The following CCDC175 variants were observed in gnomAD, a reference collection of about 807,000 sequenced individuals.
The protein encoded by CCDC175 is coiled-coil domain-containing protein 175.
Under a neutral mutation model 114.6 loss-of-function variants are expected in CCDC175, and 100 were observed. The observed-to-expected ratio is 0.87, with a 90% CI of 0.74 to 1.03. The LOEUF (loss-of-function observed/expected upper bound fraction) is 1.03. Among genes scored for constraint, CCDC175 ranks in the 50% least tolerant of loss-of-function variants. CCDC175 has a pLI of 0.00. For synonymous variants in CCDC175, 306 were observed against 308.7 expected, an observed-to-expected ratio of 0.99 and a Z score of 0.09; for missense variants, 880 against 917.8, an observed-to-expected ratio of 0.96 and a Z score of 0.53.
At chr14:59,553,299 G>A (rs1251954279) in intron 7 of CCDC175, among the ~76,000 whole-genome samples, 1 of 152,118 alleles carries the variant, frequency 6.6e-6, no homozygotes, top group African/African-American at 2.4e-5. Context: ...AAGAGAGTGG[G>A]GACCAATATT....
At chr14:59,531,177 G>A (rs1380544346) in intron 14 of CCDC175, among the ~76,000 whole-genome samples, 1 of 151,826 alleles carries the variant, frequency 6.6e-6, no homozygotes, top group African/African-American at 2.4e-5. Flanking sequence ...GCACAGGGTT[G>A]AATGATTACA....
chr14:59,539,147 A>G (rs982518902), intron 11 of CCDC175, among the ~76,000 whole-genome samples: 13 of 152,360 alleles, frequency 8.5e-5, no homozygotes, highest in African/African-American at 2.6e-4. Flanking sequence ...GGGCAAGTGG[A>G]AAATGAGGCC....
Position 59,511,548 on chromosome 14 carries a change from T to TAAAAAAAAAAAAAAAAAAAAAAAAAAA in CCDC175, c.2142+211_2142+212insTTTTTTTTTTTTTTTTTTTTTTTTTTT, listed in dbSNP as rs34490884. Among the ~76,000 whole-genome samples, 6 of 94,648 alleles carry TAAAAAAAAAAAAAAAAAAAAAAAAAAA rather than the reference T, an allele frequency of 6.3e-5. 1 individual carries two copies. Among genetic ancestry groups the TAAAAAAAAAAAAAAAAAAAAAAAAAAA allele is most frequent in the Non-Finnish European group, 9.9e-5 (5 of 50,552 alleles). 62.1% of individuals were successfully genotyped at this position (94,648 alleles called of 152,430 possible). A position where few individuals can be genotyped will look rare whatever the true frequency, so the allele number is the denominator to read the frequency against. On this transcript the variant is annotated intron_variant, in intron 18 of 19. Transcript: ENST00000537690. The stretch of plus-strand genomic sequence containing the variant: ...ATTAAGATTTCATAGTGATATTTGG[T>TAAAAAAAAAAAAAAAAAAAAAAAAAAA]AAAAAAAAAAAAAAAAAAAGACACA...
intron 17 of CCDC175, among the ~76,000 whole-genome samples, 176 bp downstream of exon 17, chr14:59,521,398 G>A (rs1397642455): frequency 1.3e-5 from 2 of 152,142 alleles, no homozygotes; most frequent in African/African-American, 2.4e-5. Context: ...GGACTCTGAC[G>A]GATCCACCAC....
intron 19 of CCDC175, among the ~76,000 whole-genome samples, chr14:59,507,152 A>T (rs1485407894): frequency 6.6e-6 from 1 of 152,196 alleles, no homozygotes; most frequent in Non-Finnish European, 1.5e-5. Flanking sequence ...ATGTTCTGAC[A>T]AGCCTATTCC....
chr14:59,564,986 C>G (rs1438604261), intron 5 of CCDC175, 61 bp downstream of exon 5: 1 of 1,239,628 alleles, frequency 8.1e-7, no homozygotes, highest in East Asian at 2.5e-5. Flanking sequence ...AAATTATTTC[C>G]CATTTCCTGC....
intron 8 of CCDC175, 71 bp from the exon 9 acceptor site, chr14:59,545,370 G>T: frequency 7.0e-7 from 1 of 1,426,338 alleles, no homozygotes; most frequent in South Asian, 1.3e-5. Flanking sequence ...TGCATCAGGT[G>T]GCAACTCGGA....
intron 4 of CCDC175, 73 bp from the exon 5 acceptor site, chr14:59,565,348 A>T: frequency 8.6e-7 from 1 of 1,168,566 alleles, no homozygotes. Context: ...TGGTGAGAAG[A>T]GCCCTCAGCA....
chr14:59,531,878 T>G lies in CCDC175; in HGVS notation c.1656A>C (p.Lys552Asn). The change falls in exon 14 of 20, where the codon AAA (lysine) becomes AAC (asparagine). Residue 552 changes from lysine to asparagine, a missense_variant. Coordinates refer to ENST00000537690, the MANE Select transcript of CCDC175 (RefSeq NM_001164399.2). ...EIFVKETQIN[K>N]EKEEELVEYL... ...ACTCAACTAGTTCTTCTTCCTTTTC[T>G]TTGTTAATTTGTGTTTCCTTAACAA... The G allele has an allele frequency of 1.6e-6, 2 of 1,263,170 alleles. No homozygotes were observed. Among genetic ancestry groups the G allele is most frequent in the Non-Finnish European group, 2.2e-6 (2 of 906,904 alleles). 78.2% of individuals were successfully genotyped at this position (1,263,170 alleles called of 1,614,324 possible). A position where few individuals can be genotyped will look rare whatever the true frequency, so the allele number is the denominator to read the frequency against.
intron 17 of CCDC175, among the ~76,000 whole-genome samples, chr14:59,520,038 C>T (rs1247645276): frequency 2.6e-5 from 4 of 152,206 alleles, no homozygotes; most frequent in Non-Finnish European, 4.4e-5. Flanking sequence ...TTCAAGTTGC[C>T]CTGGCTGATG....
intron 4 of CCDC175, among the ~76,000 whole-genome samples, chr14:59,567,882 G>A (rs1896645909): frequency 1.3e-5 from 2 of 152,156 alleles, no homozygotes; most frequent in South Asian, 2.1e-4. Context: ...TACTTTGGTG[G>A]TGGGGGTTTG....
In CCDC175 at chr14:59,523,474, A is replaced by G. The variant is rs373218432; in HGVS notation, c.1996-1798T>C. 2.9e-4 allele frequency among the ~76,000 whole-genome samples: 44 copies of G among 152,328 alleles called. 3 individuals are homozygous for G. In the East Asian group the frequency reaches 6.6e-3, roughly 23 times the overall value. The stretch of plus-strand genomic sequence containing the variant: ...AGCTATTAAAACTTCTAAAAAAAAT[A>G]CAGCTTCAATTTACACATCTATAAA... On this transcript the variant is annotated intron_variant, in intron 16 of 19. Transcript: ENST00000537690.
intron 11 of CCDC175, among the ~76,000 whole-genome samples, chr14:59,539,571 ACT>A (rs138144554): frequency 0.45 from 68,433 of 150,596 alleles, 17,396 homozygotes; most frequent in East Asian, 0.81. Context: ...AAAGAGTGAA[ACT>A]CTGTCTCAAA....
chr14:59,558,490 A>G (rs1329673664), intron 7 of CCDC175, among the ~76,000 whole-genome samples: 1 of 152,178 alleles, frequency 6.6e-6, no homozygotes, highest in Non-Finnish European at 1.5e-5. Flanking sequence ...TATGAAGGCA[A>G]TAGGACGTGA....
intron 9 of CCDC175, among the ~76,000 whole-genome samples, chr14:59,544,455 G>T (rs1290525105): frequency 1.3e-5 from 2 of 152,136 alleles, no homozygotes; most frequent in Non-Finnish European, 2.9e-5. Flanking sequence ...CTATTGATAG[G>T]AAGCTGCCTG....
At chr14:59,538,929 T>A in intron 11 of CCDC175, 89 bp from the exon 12 acceptor site, 1 of 1,209,666 alleles carries the variant, frequency 8.3e-7, no homozygotes, top group Non-Finnish European at 1.1e-6. Context: ...CAAGTCATAC[T>A]ATGACTACAC....
chr14:59,530,093 G>C (rs1306682874), intron 14 of CCDC175, among the ~76,000 whole-genome samples: 1 of 152,146 alleles, frequency 6.6e-6, no homozygotes, highest in African/African-American at 2.4e-5. Context: ...GGACTAGGCT[G>C]GGTGTGGTGG....
chr14:59,519,594 T>C (rs1004200254), intron 17 of CCDC175, among the ~76,000 whole-genome samples: 4 of 152,182 alleles, frequency 2.6e-5, no homozygotes, highest in African/African-American at 9.7e-5. Context: ...AACTGGATAA[T>C]AGGAAAACAA....
intron 13 of CCDC175, among the ~76,000 whole-genome samples, chr14:59,533,999 A>AAAG (rs1408896765): frequency 3.3e-5 from 5 of 151,682 alleles, no homozygotes; most frequent in Admixed American, 1.3e-4. Flanking sequence ...AAAAAAAAAA[A>AAAG]AAAAAAAGAA....
Sources: gnomAD v4.1 joint callset for allele counts (sites outside exome capture counted in the v4.1 genomes callset) on GRCh38, gnomAD v4.1.1 for gene constraint, MANE v1.5 for transcripts, NCBI Gene and HGNC (gene_info 2026-07-23, HGNC 2026-07-21) for gene names.